Variants in RBPJ observed in about 807,000 individuals in gnomAD.
RBPJ encodes recombining binding protein suppressor of hairless.
RBPJ carries 9 observed loss-of-function variants against 67.8 expected under a neutral mutation model. The observed-to-expected ratio is 0.13, with a 90% CI of 0.08 to 0.23. The LOEUF is 0.23. RBPJ is among the 10% of genes least tolerant of loss of function. The pLI is 1.00. For missense variants in RBPJ, 305 were observed against 595.6 expected (o/e 0.51, Z 5.08); for synonymous variants, 198 against 203.3 (o/e 0.97, Z 0.22).
chr4:26,234,456 C>G (rs557453857), intron 1 of RBPJ, among the ~76,000 whole-genome samples: 1 of 152,214 alleles, frequency 6.6e-6, no homozygotes, highest in East Asian at 1.9e-4. Flanking sequence ...CGTAGTAATA[C>G]TAAAATTTGT....
intron 1 of RBPJ, among the ~76,000 whole-genome samples, chr4:26,298,191 A>G (rs1214907591): frequency 6.6e-6 from 1 of 152,224 alleles, no homozygotes; most frequent in African/African-American, 2.4e-5. Flanking sequence ...CTTGGGAAAA[A>G]AAAATACCTT....
intron 2 of RBPJ, among the ~76,000 whole-genome samples, chr4:26,389,166 T>A (rs1267078432): frequency 2.0e-5 from 3 of 147,936 alleles, no homozygotes; most frequent in African/African-American, 7.5e-5. Context: ...GAGACGGAGG[T>A]TGCAGTGAGC....
chr4:26,239,678 G>A (rs1182659584), intron 1 of RBPJ, among the ~76,000 whole-genome samples: 2 of 150,416 alleles, frequency 1.3e-5, no homozygotes, highest in Non-Finnish European at 1.5e-5. Context: ...GCACTGGAGG[G>A]AAGGGAAGGA....
intron 1 of RBPJ, among the ~76,000 whole-genome samples, chr4:26,251,849 A>C (rs1483489155): frequency 1.3e-5 from 1 of 78,122 alleles, no homozygotes; most frequent in South Asian, 3.6e-4. Flanking sequence ...CTCCGTCTCA[A>C]AAAAAAAAAA....
At chr4:26,153,807 A>G in the RBPJ span, among the ~76,000 whole-genome samples, 1,897 of 152,250 alleles carry the variant, frequency 0.012, 44 homozygotes, top group African/African-American at 0.043. Context: ...TCATAACATG[A>G]GGTCAGGTGT....
intron 1 of RBPJ, among the ~76,000 whole-genome samples, chr4:26,212,925 G>C (rs1718481144): frequency 6.6e-6 from 1 of 152,134 alleles, no homozygotes; most frequent in Non-Finnish European, 1.5e-5. Flanking sequence ...GGAGGCTGCA[G>C]GAAGATGAAC....
the RBPJ span, among the ~76,000 whole-genome samples, chr4:26,130,272 C>T: frequency 1.3e-5 from 2 of 152,212 alleles, no homozygotes; most frequent in African/African-American, 4.8e-5. Flanking sequence ...TAGTTCACCT[C>T]GATAGATACA....
chr4:26,332,796 G>A (rs374127662), intron 1 of RBPJ, among the ~76,000 whole-genome samples: 3 of 152,032 alleles, frequency 2.0e-5, no homozygotes, highest in Non-Finnish European at 4.4e-5. Flanking sequence ...ACAGACACTC[G>A]CCACCAGTCT....
the RBPJ span, among the ~76,000 whole-genome samples, chr4:26,133,095 G>A: frequency 6.6e-6 from 1 of 152,256 alleles, no homozygotes; most frequent in Non-Finnish European, 1.5e-5. Context: ...AAACCTCGGT[G>A]TGACCCAGGC....
intron 1 of RBPJ, among the ~76,000 whole-genome samples, chr4:26,175,452 C>A (rs1716763700): frequency 6.6e-6 from 1 of 152,186 alleles, no homozygotes; most frequent in Admixed American, 6.5e-5. Flanking sequence ...AAGAAAGGAG[C>A]AGGAGTACAG....
intron 1 of RBPJ, among the ~76,000 whole-genome samples, chr4:26,374,843 A>G (rs929034642): frequency 6.6e-6 from 1 of 152,164 alleles, no homozygotes; most frequent in Non-Finnish European, 1.5e-5. Flanking sequence ...AGTACGTGGA[A>G]AATCATGAAC....
intron 1 of RBPJ, among the ~76,000 whole-genome samples, chr4:26,381,761 A>G (rs1324500179): frequency 2.0e-5 from 3 of 152,158 alleles, no homozygotes; most frequent in African/African-American, 7.2e-5. Flanking sequence ...CAAATCAACT[A>G]TATCCTGGTT....
the RBPJ span, among the ~76,000 whole-genome samples, chr4:26,149,171 C>T: frequency 6.6e-6 from 1 of 152,178 alleles, no homozygotes; most frequent in African/African-American, 2.4e-5. Flanking sequence ...GAAAAGGTCA[C>T]ATACATGACA....
Position 26,253,752 on chromosome 4 carries a change from A to C in RBPJ, c.-167+90138A>C, listed in dbSNP as rs911846013. Reference sequence around the variant, plus strand: ...ATACACTGTATGTAAAATAGAGCTAAATCTACGTTGACTTCAGATCATAAA... The same window carrying C: ...ATACACTGTATGTAAAATAGAGCTACATCTACGTTGACTTCAGATCATAAA... On this transcript the variant is annotated intron_variant, in intron 1 of 4. Coordinates refer to the RBPJ transcript ENST00000512351. Among the ~76,000 whole-genome samples, 6 of 148,956 alleles carry C rather than the reference A, an allele frequency of 4.0e-5. 2 individuals carry two copies. The highest frequency in any genetic ancestry group is 1.6e-4 in the African/African-American group (6 of 38,368).
chr4:26,290,584 A>C (rs111325873), intron 1 of RBPJ, among the ~76,000 whole-genome samples: 3,697 of 150,826 alleles, frequency 0.025, 217 homozygotes, highest in Non-Finnish European at 0.037. Context: ...ATACCATATG[A>C]CATAGAATCC....
At chr4:26,242,778 A>G (rs1719692619) in intron 1 of RBPJ, among the ~76,000 whole-genome samples, 1 of 151,608 alleles carries the variant, frequency 6.6e-6, no homozygotes, top group South Asian at 2.1e-4. Flanking sequence ...GGTAAAAATT[A>G]TTAATTTTCT....
intron 1 of RBPJ, among the ~76,000 whole-genome samples, chr4:26,210,905 A>G (rs1157750250): frequency 6.6e-6 from 1 of 151,430 alleles, no homozygotes; most frequent in Non-Finnish European, 1.5e-5. Context: ...CTTTTTCTGA[A>G]GTACTAGGCA....
chr4:26,415,674 C>T (rs771331637), intron 4 of RBPJ, 34 bp downstream of exon 4: 1 of 1,550,142 alleles, frequency 6.5e-7, no homozygotes, highest in East Asian at 2.3e-5. Flanking sequence ...CAGAAAGGGG[C>T]ACCATGGTAC....
intron 1 of RBPJ, among the ~76,000 whole-genome samples, chr4:26,254,643 A>G (rs1463337821): frequency 6.8e-6 from 1 of 147,740 alleles, no homozygotes. Flanking sequence ...TATCGATGCT[A>G]GATATGCTGT....
Sources: gnomAD v4.1 joint callset for allele counts (sites outside exome capture counted in the v4.1 genomes callset) on GRCh38, gnomAD v4.1.1 for gene constraint, MANE v1.5 for transcripts, NCBI Gene and HGNC (gene_info 2026-07-23, HGNC 2026-07-21) for gene names.